C13orf42: variants seen among roughly 807,000 people sequenced by gnomAD.
The protein encoded by C13orf42 is uncharacterized protein C13orf42.
At chr13:51,123,986 A>G (rs1385250764) in intron 1 of C13orf42, among the ~76,000 whole-genome samples, 1 of 152,206 alleles carries the variant, frequency 6.6e-6, no homozygotes, top group African/African-American at 2.4e-5. Context: ...TCTAAATATT[A>G]CCAGCCATTA....
chr13:51,115,916 G>T (rs1450608442), upstream of C13orf42, among the ~76,000 whole-genome samples: 1 of 152,138 alleles, frequency 6.6e-6, no homozygotes, highest in African/African-American at 2.4e-5. Flanking sequence ...GCAAGGTCCT[G>T]TGCTTTAGAT....
Position 51,084,176 on chromosome 13 carries a change from C to G in C13orf42, c.953G>C (p.Arg318Thr), listed in dbSNP as rs924098175. 4 of 398,602 alleles carry G rather than the reference C, an allele frequency of 1.0e-5. No individual in the cohort carries two copies. Among genetic ancestry groups the G allele is most frequent in the African/African-American group, 4.1e-5 (2 of 48,648 alleles). The allele number at this position is 398,602 out of a possible 1,614,324, so 24.7% of individuals were successfully genotyped here. The stretch of plus-strand genomic sequence containing the variant: ...TCAGGGCACCGTCCGCTCCCAAAGT[C>G]TTTCTCGAAGCAGCCACTGTCCTTT... The part of the protein sequence containing the change: ...NPKGQWLLRE[R>T]LWERTVP Residue 318 changes from arginine to threonine, a missense_variant, in exon 4 of 4, where the codon AGA becomes ACA. Transcript: ENST00000563710.
At chr13:51,152,567 G>A (rs529015959) in intron 1 of C13orf42, among the ~76,000 whole-genome samples, 2 of 152,272 alleles carry the variant, frequency 1.3e-5, no homozygotes, top group South Asian at 2.1e-4. Flanking sequence ...CCAGGCTGGT[G>A]TCAAACTTCT....
intron 1 of C13orf42, among the ~76,000 whole-genome samples, chr13:51,126,313 G>A (rs1953576452): frequency 6.6e-6 from 1 of 152,144 alleles, no homozygotes; most frequent in Non-Finnish European, 1.5e-5. Context: ...AGTAAAATAA[G>A]CATTTCCCTC....
At chr13:51,091,462 A>G (rs1490786762) in intron 1 of C13orf42, among the ~76,000 whole-genome samples, 1 of 152,144 alleles carries the variant, frequency 6.6e-6, no homozygotes, top group Admixed American at 6.5e-5. Context: ...AAATTGCTTT[A>G]TTCTCCTACT....
intron 1 of C13orf42, among the ~76,000 whole-genome samples, chr13:51,128,652 C>T (rs748431266): frequency 1.3e-5 from 2 of 152,184 alleles, no homozygotes; most frequent in Admixed American, 6.5e-5. Context: ...TCAGTAAAGT[C>T]CCTCTCGGCT....
At chr13:51,108,239 T>C (rs1017406121) in intron 1 of C13orf42, among the ~76,000 whole-genome samples, 13 of 152,246 alleles carry the variant, frequency 8.5e-5, no homozygotes, top group African/African-American at 3.1e-4. Context: ...AGTTTCTAAC[T>C]GAGGTCACTA....
intron 1 of C13orf42, among the ~76,000 whole-genome samples, chr13:51,149,439 T>C (rs1242405765): frequency 1.3e-5 from 2 of 151,766 alleles, no homozygotes; most frequent in South Asian, 2.1e-4. Flanking sequence ...CAGATGCAAA[T>C]GGAGTGAGCT....
At chr13:51,143,894 T>A (rs1312478762) in intron 1 of C13orf42, among the ~76,000 whole-genome samples, 2 of 152,206 alleles carry the variant, frequency 1.3e-5, no homozygotes, top group East Asian at 3.8e-4. Context: ...TTTGTATAAA[T>A]ATATTATTGG....
chr13:51,141,065 A>G (rs530826538), intron 1 of C13orf42, among the ~76,000 whole-genome samples: 1 of 150,240 alleles, frequency 6.7e-6, no homozygotes, highest in South Asian at 2.1e-4. Flanking sequence ...GCTAAAAGTC[A>G]GCTTAATTAA....
upstream of C13orf42, among the ~76,000 whole-genome samples, chr13:51,114,645 TAGAGATAGACAGAC>T (rs1953469305): frequency 3.3e-4 from 40 of 120,456 alleles, no homozygotes; most frequent in African/African-American, 1.2e-3. Context: ...GATAGATAGA[TAGAGATAGACAGAC>T]AGACAGACAG....
At chr13:51,146,158 T>C (rs1011159362) in intron 1 of C13orf42, among the ~76,000 whole-genome samples, 1 of 149,040 alleles carries the variant, frequency 6.7e-6, no homozygotes, top group Non-Finnish European at 1.5e-5. Context: ...TTTGTTTAAA[T>C]AAAAAATAAT....
chr13:51,143,783 G>T (rs180837499), intron 1 of C13orf42, among the ~76,000 whole-genome samples: 51 of 152,032 alleles, frequency 3.4e-4, no homozygotes, highest in Non-Finnish European at 5.7e-4. Context: ...CATTAGGTTC[G>T]CTAAAGTTCA....
intron 1 of C13orf42, among the ~76,000 whole-genome samples, chr13:51,120,098 TG>T (rs1384593454): frequency 3.3e-5 from 5 of 152,206 alleles, no homozygotes; most frequent in Non-Finnish European, 7.3e-5. Context: ...TAGTTGCCAT[TG>T]TTACTAATAA....
chr13:51,117,466 T>C (rs1019702445), intron 1 of C13orf42, among the ~76,000 whole-genome samples: 2 of 152,234 alleles, frequency 1.3e-5, no homozygotes, highest in Admixed American at 1.3e-4. Flanking sequence ...AGCATTTTAT[T>C]GGAACTTTTA....
chr13:51,113,319 A>C (rs1157519336), upstream of C13orf42: 1 of 152,120 alleles, frequency 6.6e-6, no homozygotes, highest in African/African-American at 2.4e-5. Flanking sequence ...GCCATGACCC[A>C]GCAGCTGACT....
intron 1 of C13orf42, among the ~76,000 whole-genome samples, chr13:51,143,904 G>A (rs551471390): frequency 6.6e-6 from 1 of 152,148 alleles, no homozygotes; most frequent in South Asian, 2.1e-4. Flanking sequence ...TATATTATTG[G>A]TATGTGTTCC....
chr13:51,088,492 A>G (rs1953152593), intron 1 of C13orf42, among the ~76,000 whole-genome samples: 1 of 152,234 alleles, frequency 6.6e-6, no homozygotes, highest in Admixed American at 6.5e-5. Context: ...ATGCTCTAAC[A>G]GTTGTCAGTT....
At position 51,117,556 on chromosome 13, in the gene C13orf42, G is replaced by A. The variant is rs1953501478; in HGVS notation, n.137-4334C>T. Among the ~76,000 whole-genome samples the A allele has an allele frequency of 2.0e-5, 3 of 152,168 alleles. No individual in the cohort carries two copies. The South Asian group carries it at 6.2e-4, about 32-fold the overall frequency. The stretch of plus-strand genomic sequence containing the variant: ...ATGACAATCAACAGAAAAATTGAGT[G>A]TGAATTTCCAAACCCAAGGTAGAAG... On this transcript the variant is annotated intron_variant and non_coding_transcript_variant, in intron 1 of 4. Transcript: ENST00000433280.
Sources: gnomAD v4.1 joint callset for allele counts (sites outside exome capture counted in the v4.1 genomes callset) on GRCh38, gnomAD v4.1.1 for gene constraint, MANE v1.5 for transcripts, NCBI Gene and HGNC (gene_info 2026-07-23, HGNC 2026-07-21) for gene names.